TGFA: variants seen among roughly 807,000 people sequenced by gnomAD.
The protein encoded by TGFA is transforming growth factor alpha.
A neutral mutation model predicts 21.7 loss-of-function variants in TGFA; 12 were observed. That is an observed-to-expected ratio of 0.55 (90% CI 0.35 to 0.90). TGFA has a LOEUF of 0.90. Among genes scored for constraint, TGFA ranks in the 40% least tolerant of loss-of-function variants. The pLI is 0.01. For missense variants in TGFA, 178 were observed against 210.8 expected (o/e 0.84, Z 0.96); for synonymous variants, 79 against 88.1 (o/e 0.90, Z 0.58).
intron 2 of TGFA, among the ~76,000 whole-genome samples, chr2:70,502,466 A>G (rs1671765833): frequency 6.6e-6 from 1 of 152,072 alleles, no homozygotes; most frequent in Admixed American, 6.5e-5. Flanking sequence ...CAGCCTCCCG[A>G]GTAGCTGGGA....
At chr2:70,478,318 A>G (rs1184095327) in intron 2 of TGFA, among the ~76,000 whole-genome samples, 2 of 152,212 alleles carry the variant, frequency 1.3e-5, no homozygotes, top group Non-Finnish European at 1.5e-5. Context: ...TGGAAATGCT[A>G]TACAGCTGAT....
At chr2:70,469,062 A>AAACC (rs1457381448) in intron 2 of TGFA, among the ~76,000 whole-genome samples, 10 of 152,094 alleles carry the variant, frequency 6.6e-5, no homozygotes, top group Non-Finnish European at 1.5e-4. Context: ...AAGGCCGTTT[A>AAACC]AACCACCACC....
chr2:70,483,278 C>G (rs909984380), intron 2 of TGFA, among the ~76,000 whole-genome samples: 7 of 152,180 alleles, frequency 4.6e-5, no homozygotes, highest in African/African-American at 1.7e-4. Flanking sequence ...CTGGGAGTGT[C>G]AAGTTTTATA....
rs35098749 is a variant in TGFA, at chr2:70,536,998, C to CTTT, written c.40+16727_40+16729dup. Among the ~76,000 whole-genome samples, 152 of 136,800 alleles carry CTTT rather than the reference C, an allele frequency of 1.1e-3. 2 individuals are homozygous for CTTT. The highest frequency in any genetic ancestry group is 8.1e-3 in the South Asian group (34 of 4,214). The allele number at this position is 136,800 out of a possible 152,430, so 89.7% of individuals were successfully genotyped here. On this transcript the variant is annotated intron_variant, in intron 1 of 5. Transcript: ENST00000295400. ...TGTTTTCTTTTTTCTTTTTCTTTTT[C>CTTT]TTTTTTTTTTTTTTACAAATTTAAA...
intron 1 of TGFA, among the ~76,000 whole-genome samples, chr2:70,532,238 G>A (rs1200931947): frequency 6.6e-6 from 1 of 152,210 alleles, no homozygotes. Context: ...CTAAAATAGA[G>A]AAAACCCAAA....
rs546167777 is a variant in TGFA at position 70,550,662 on chromosome 2, T to C, written c.40+3066A>G. 1.8e-3 allele frequency among the ~76,000 whole-genome samples: 277 copies of C among 151,838 alleles called. 1 individual carries two copies. Among genetic ancestry groups the C allele is most frequent in the African/African-American group, 6.4e-3 (267 of 41,450 alleles). On this transcript the variant is annotated intron_variant, in intron 1 of 5. Transcript: ENST00000295400. ...GGTGAAACCCCGTCTCTACTAAAAATATATTTAAAAAATTAGCCGGGCGTG... is the reference window on the plus strand; with the variant it reads ...GGTGAAACCCCGTCTCTACTAAAAACATATTTAAAAAATTAGCCGGGCGTG...
At chr2:70,502,499 C>T (rs1031472734) in intron 2 of TGFA, among the ~76,000 whole-genome samples, 2 of 152,076 alleles carry the variant, frequency 1.3e-5, no homozygotes, top group Non-Finnish European at 2.9e-5. Context: ...GTCACCATGC[C>T]TGGCTAAGAC....
In TGFA at chr2:70,504,449, T is replaced by TATATATATATACATAC. The variant is rs1553499733; in HGVS notation, c.94+10409_94+10410insGTATGTATATATATAT. Among the ~76,000 whole-genome samples the TATATATATATACATAC allele has an allele frequency of 4.2e-4, 29 of 69,070 alleles. 1 individual carries two copies. The highest frequency in any genetic ancestry group is 1.4e-3 in the East Asian group (3 of 2,100). 45.3% of individuals were successfully genotyped at this position (69,070 alleles called of 152,430 possible). The stretch of plus-strand genomic sequence containing the variant: ...AACAAAACAAATATATATATATATA[T>TATATATATATACATAC]ATATATATATATATACACACATACA... On this transcript the variant is annotated intron_variant, in intron 2 of 5. Coordinates refer to ENST00000295400, the MANE Select transcript of TGFA (RefSeq NM_003236.4).
At chr2:70,458,036 G>A (rs1670291695) in intron 3 of TGFA, among the ~76,000 whole-genome samples, 2 of 152,154 alleles carry the variant, frequency 1.3e-5, no homozygotes, top group South Asian at 2.1e-4. Flanking sequence ...CACTGAGAGG[G>A]GATCACAGAA....
intron 1 of TGFA, among the ~76,000 whole-genome samples, chr2:70,525,700 C>T (rs137987353): frequency 1.2e-3 from 185 of 152,106 alleles, no homozygotes; most frequent in African/African-American, 3.2e-3. Flanking sequence ...GAGGAGTGGA[C>T]GGGGTGGTAC....
intron 1 of TGFA, among the ~76,000 whole-genome samples, chr2:70,535,979 T>G (rs577658851): frequency 6.6e-6 from 1 of 152,202 alleles, no homozygotes; most frequent in Non-Finnish European, 1.5e-5. Context: ...ACTGGAGTAA[T>G]GCTTTTTTTC....
chr2:70,546,270 T>A (rs1673299238), intron 1 of TGFA, among the ~76,000 whole-genome samples: 1 of 152,238 alleles, frequency 6.6e-6, no homozygotes, highest in South Asian at 2.1e-4. Context: ...CCCTTTTAAA[T>A]TTAGTGTATT....
intron 2 of TGFA, among the ~76,000 whole-genome samples, chr2:70,474,898 T>A (rs1553493895): frequency 6.6e-6 from 1 of 152,074 alleles, no homozygotes; most frequent in Admixed American, 6.6e-5. Context: ...CAAACAAAGA[T>A]ATTGGTAAAG....
intron 2 of TGFA, among the ~76,000 whole-genome samples, chr2:70,497,741 C>A (rs1476633343): frequency 1.3e-5 from 2 of 152,230 alleles, no homozygotes; most frequent in African/African-American, 4.8e-5. Context: ...CTGCCAAGAA[C>A]CTTGGCCATG....
intron 1 of TGFA, among the ~76,000 whole-genome samples, chr2:70,523,307 C>T (rs577695093): frequency 3.5e-4 from 53 of 152,242 alleles, no homozygotes; most frequent in African/African-American, 1.1e-3. Context: ...GAGGAGTGAA[C>T]GCTCATTGTG....
In TGFA at chr2:70,447,988, C is replaced by T. The variant is rs781872819; in HGVS notation, c.*2871G>A. On this transcript the variant is annotated 3_prime_UTR_variant, in exon 6 of 6. Transcript: ENST00000295400. ...TTTCTGTACCTGCAAAACACAATCC[C>T]TTGAGAAGCTCCAGAAGCACAAATT... The T allele has an allele frequency of 6.6e-6, 1 of 152,220 alleles. No homozygotes were observed. The highest frequency in any genetic ancestry group is 1.5e-5 in the Non-Finnish European group (1 of 68,034). 9.4% of individuals were successfully genotyped at this position (152,220 alleles called of 1,614,324 possible).
chr2:70,553,665 G>C (rs907197595), intron 1 of TGFA, 63 bp downstream of exon 1: 35 of 1,329,798 alleles, frequency 2.6e-5, no homozygotes, highest in South Asian at 4.3e-5. Flanking sequence ...AGGGGAACTC[G>C]GCGGGGACCG....
At position 70,448,189 on chromosome 2, in the gene TGFA, G is replaced by A. The variant is rs1452440437; in HGVS notation, c.*2670C>T. The A allele has an allele frequency of 2.0e-5, 3 of 152,184 alleles. No homozygotes were observed. Among genetic ancestry groups the A allele is most frequent in the Non-Finnish European group, 2.9e-5 (2 of 68,040 alleles). 9.4% of individuals were successfully genotyped at this position (152,184 alleles called of 1,614,324 possible). ...GGGCCCTGTCTTCCAGATCAGGGTTGGCTGCTGTCTATCTTTCCATGTAGA... is the reference window on the plus strand; with the variant it reads ...GGGCCCTGTCTTCCAGATCAGGGTTAGCTGCTGTCTATCTTTCCATGTAGA... On this transcript the variant is annotated 3_prime_UTR_variant, in exon 6 of 6. Coordinates refer to ENST00000295400, the MANE Select transcript of TGFA (RefSeq NM_003236.4).
intron 2 of TGFA, among the ~76,000 whole-genome samples, chr2:70,482,233 C>T (rs1231415048): frequency 7.2e-5 from 11 of 152,124 alleles, no homozygotes; most frequent in East Asian, 1.9e-4. Context: ...CAGTTTTATA[C>T]GTACTACCTA....
Sources: allele counts gnomAD v4.1 joint callset (sites outside exome capture counted in the v4.1 genomes callset), GRCh38; gene constraint gnomAD v4.1.1; transcripts MANE v1.5; gene names NCBI Gene and HGNC (gene_info 2026-07-23, HGNC 2026-07-21).